The following FNDC3A variants were observed in gnomAD, a reference collection of about 807,000 sequenced individuals.
FNDC3A encodes the protein fibronectin type III domain containing 3A.
Under a neutral mutation model 148.9 loss-of-function variants are expected in FNDC3A, and 32 were observed. That is an observed-to-expected ratio of 0.21 (90% CI 0.16 to 0.29). The LOEUF (loss-of-function observed/expected upper bound fraction) is 0.29, where lower values mean the gene tolerates loss of function less well. Ranked by LOEUF, FNDC3A falls within the 10% of genes least tolerant of loss-of-function variation. The probability of loss-of-function intolerance (pLI) is 1.00; values close to 1 mark genes in which losing one functional copy is unlikely to be tolerated. For synonymous variants in FNDC3A, 472 were observed against 473.6 expected, an observed-to-expected ratio of 1.00 and a Z score of 0.04; for missense variants, 1,191 against 1,452.8, an observed-to-expected ratio of 0.82 and a Z score of 2.93.
rs375188322 is a variant in FNDC3A, at chr13:49,125,590, G to T, written c.253-5547G>T. On this transcript the variant is annotated intron_variant, in intron 4 of 25. Transcript: ENST00000492622. Reference sequence around the variant, plus strand: ...AGTCACAGAACCCTAATAGCTTCATGGTGTAAAGAGAGGGAGAAAGAAATG... The same window carrying T: ...AGTCACAGAACCCTAATAGCTTCATTGTGTAAAGAGAGGGAGAAAGAAATG... Among the ~76,000 whole-genome samples, 146 of 152,142 alleles carry T rather than the reference G, an allele frequency of 9.6e-4. 1 individual carries two copies. Among genetic ancestry groups the T allele is most frequent in the African/African-American group, 3.4e-3 (140 of 41,490 alleles).
intron 5 of FNDC3A, among the ~76,000 whole-genome samples, chr13:49,135,250 G>T (rs896083194): frequency 2.0e-5 from 3 of 152,096 alleles, no homozygotes; most frequent in Admixed American, 2.0e-4. Context: ...TGAAAGGTAA[G>T]AGTATATATA....
chr13:49,152,031 A>G lies in FNDC3A; in HGVS notation c.977+6096A>G, dbSNP rs192714301. ...CCTTGCTATTGTGAATAGTGCCACA[A>G]TAAACATGTGTGCATGTGTCTTTAT... On this transcript the variant is annotated intron_variant, in intron 8 of 25. Transcript: ENST00000492622. 1.0e-3 allele frequency among the ~76,000 whole-genome samples: 153 copies of G among 152,366 alleles called. 1 individual carries two copies. Among genetic ancestry groups the G allele is most frequent in the African/African-American group, 3.5e-3 (144 of 41,580 alleles).
intron 4 of FNDC3A, among the ~76,000 whole-genome samples, chr13:49,117,156 AATC>A (rs1032373597): frequency 1.3e-5 from 2 of 152,206 alleles, no homozygotes. Flanking sequence ...TAAATTAGAT[AATC>A]ATCCGAGTTG....
At chr13:49,062,339 G>A (rs1258853864) in intron 2 of FNDC3A, among the ~76,000 whole-genome samples, 1 of 152,142 alleles carries the variant, frequency 6.6e-6, no homozygotes, top group Non-Finnish European at 1.5e-5. Flanking sequence ...TGGGGGTAAA[G>A]ATGAAATTTG....
At chr13:49,175,715 T>G (rs1046901459) in intron 13 of FNDC3A, among the ~76,000 whole-genome samples, 174 bp downstream of exon 13, 2 of 152,244 alleles carry the variant, frequency 1.3e-5, no homozygotes, top group Non-Finnish European at 2.9e-5. Context: ...CTTGCCTGAT[T>G]GCCCTGGCCA....
At chr13:49,042,791 G>C (rs563511135) in intron 2 of FNDC3A, among the ~76,000 whole-genome samples, 8 of 152,174 alleles carry the variant, frequency 5.3e-5, no homozygotes, top group African/African-American at 1.9e-4. Context: ...ATTAATTGTT[G>C]TTGTAAGTAT....
chr13:49,060,575 C>T (rs1397946492), intron 2 of FNDC3A, among the ~76,000 whole-genome samples: 8 of 132,920 alleles, frequency 6.0e-5, no homozygotes, highest in East Asian at 2.5e-4. Context: ...ACCCAGGAGG[C>T]GGAGGTTGCA....
Position 49,197,998 on chromosome 13 carries a change from G to A in FNDC3A, c.2507G>A (p.Gly836Asp), listed in dbSNP as rs1379483979. The A allele has an allele frequency of 2.5e-6, 4 of 1,613,858 alleles. No individual in the cohort carries two copies. Among genetic ancestry groups the A allele is most frequent in the Non-Finnish European group, 3.4e-6 (4 of 1,179,844 alleles). Reference sequence around the variant, plus strand: ...AATTTGTAGGCTCTGAGTGTTGTGGGTGCAGGCCCTTTCAGTGAAGTAGTA... The same window carrying A: ...AATTTGTAGGCTCTGAGTGTTGTGGATGCAGGCCCTTTCAGTGAAGTAGTA... Reference protein sequence around the residue: ...YCRVQALSVVGAGPFSEVVAC... With the variant: ...YCRVQALSVVDAGPFSEVVAC... The change falls in exon 22 of 26, where the codon GGT (glycine) becomes GAT (aspartate). Residue 836 changes from glycine to aspartate, a missense_variant. Gly to Asp is a moderately conservative substitution (Grantham distance 94). Transcript: ENST00000492622.
At chr13:48,986,347 G>T (rs948504836) in intron 1 of FNDC3A, among the ~76,000 whole-genome samples, 1 of 139,156 alleles carries the variant, frequency 7.2e-6, no homozygotes, top group Non-Finnish European at 1.5e-5. Flanking sequence ...AGAGGAATCA[G>T]AAGCTTAAGA....
At chr13:49,024,088 A>T (rs1423426832) in intron 2 of FNDC3A, among the ~76,000 whole-genome samples, 2 of 152,026 alleles carry the variant, frequency 1.3e-5, no homozygotes, top group Non-Finnish European at 2.9e-5. Flanking sequence ...ATTAGAGACT[A>T]CTATGAACAA....
chr13:49,090,676 TG>T lies in FNDC3A; in HGVS notation c.175+15315del, dbSNP rs1879130609. On this transcript the variant is annotated intron_variant, in intron 3 of 25. Coordinates refer to ENST00000492622, the MANE Select transcript of FNDC3A (RefSeq NM_001079673.2). Reference sequence around the variant, plus strand: ...ATCCCCCACTTTGTTTTCCCCCGTCTGGGAGCCATGCATTAAAGATTAGGTC... The same window carrying T: ...ATCCCCCACTTTGTTTTCCCCCGTCTGGAGCCATGCATTAAAGATTAGGTC... Among the ~76,000 whole-genome samples the T allele has an allele frequency of 2.0e-5, 3 of 148,778 alleles. No individual in the cohort carries two copies. The South Asian group carries it at 6.6e-4, about 33-fold the overall frequency.
chr13:49,140,030 G>A (rs1351402128), intron 7 of FNDC3A, among the ~76,000 whole-genome samples: 2 of 152,186 alleles, frequency 1.3e-5, no homozygotes, highest in East Asian at 3.8e-4. Context: ...ACTTGTTGTA[G>A]TATATATTAA....
chr13:49,116,716 G>A (rs997221662), intron 4 of FNDC3A, among the ~76,000 whole-genome samples: 1 of 151,820 alleles, frequency 6.6e-6, no homozygotes, highest in Non-Finnish European at 1.5e-5. Context: ...AACCTGGGAG[G>A]CGGAGGTTGC....
At chr13:49,013,530 GTA>G (rs1566190518) in intron 2 of FNDC3A, among the ~76,000 whole-genome samples, 1 of 150,948 alleles carries the variant, frequency 6.6e-6, no homozygotes, top group African/African-American at 2.4e-5. Context: ...GTGTATACAT[GTA>G]TATACGTGTA....
chr13:49,111,052 G>A (rs1164676495), intron 3 of FNDC3A, among the ~76,000 whole-genome samples: 1 of 152,172 alleles, frequency 6.6e-6, no homozygotes, highest in East Asian at 1.9e-4. Flanking sequence ...ATGCACAGTT[G>A]TTGTCAGGTA....
chr13:48,981,268 T>C (rs1441137422), intron 1 of FNDC3A, among the ~76,000 whole-genome samples: 7 of 152,154 alleles, frequency 4.6e-5, no homozygotes, highest in African/African-American at 1.7e-4. Flanking sequence ...AGTCTAGTTC[T>C]TAGTTCTAAC....
At chr13:49,171,957 A>G (rs1173840977) in intron 10 of FNDC3A, 86 bp from the exon 11 acceptor site, 1 of 928,108 alleles carries the variant, frequency 1.1e-6, no homozygotes. Flanking sequence ...TCTGCCACAT[A>G]AACTAGATCC....
chr13:49,191,238 A>G lies in FNDC3A; in HGVS notation c.2080A>G (p.Ile694Val), dbSNP rs199818295. Residue 694 changes from isoleucine (I) to valine (V), a missense_variant, in exon 19 of 26, where the codon ATT (isoleucine) becomes GTT (valine). Physicochemically the swap from Ile to Val is conservative, Grantham distance 29 (BLOSUM62 3). Around this residue, in one of 3 missense-constraint regions of FNDC3A, gnomAD observed 751 missense variants for 944.0 expected, o/e 0.80. Transcript: ENST00000492622. ...GPPLVDGGSP[I>V]SCYSVEMSPI... Reference sequence around the variant, plus strand: ...CCCTCTGGTTGATGGTGGATCACCCATTTCCTGTTACAGTGTGGAAATGTC... The same window carrying G: ...CCCTCTGGTTGATGGTGGATCACCCGTTTCCTGTTACAGTGTGGAAATGTC... 5 of 1,610,296 alleles carry G rather than the reference A, an allele frequency of 3.1e-6. No individual in the cohort carries two copies.
Position 49,187,721 on chromosome 13 carries a change from TGGC to T in FNDC3A, c.1825+535_1825+537del, listed in dbSNP as rs1885658951. ...GCACAGAAACCGAGGACGGATGAAATGGCGGCACCTCACCAAGACCTTTTTTTT... is the reference window on the plus strand; with the variant it reads ...GCACAGAAACCGAGGACGGATGAAATGGCACCTCACCAAGACCTTTTTTTT... On this transcript the variant is annotated intron_variant, in intron 16 of 25. Transcript: ENST00000492622. The T allele has an allele frequency of 1.6e-6, 2 of 1,274,520 alleles. 1 individual carries two copies. The highest frequency in any genetic ancestry group is 2.5e-5 in the South Asian group (2 of 81,302). 79.0% of individuals were successfully genotyped at this position (1,274,520 alleles called of 1,614,324 possible).
Sources: allele counts gnomAD v4.1 joint callset (sites outside exome capture counted in the v4.1 genomes callset), GRCh38; gene constraint gnomAD v4.1.1; regional missense constraint gnomAD v4.1.1; transcripts MANE v1.5; gene names NCBI Gene and HGNC (gene_info 2026-07-23, HGNC 2026-07-21).